HOMER1: variants seen among roughly 807,000 people sequenced by gnomAD.
HOMER1 encodes the protein homer protein homolog 1.
HOMER1 carries 3 observed loss-of-function variants against 48.9 expected under a neutral mutation model. That is an observed-to-expected ratio of 0.06 (90% CI 0.03 to 0.16). The LOEUF (loss-of-function observed/expected upper bound fraction) is 0.16. Ranked by LOEUF, HOMER1 falls within the 10% of genes least tolerant of loss-of-function variation. The pLI, the probability that HOMER1 is intolerant of heterozygous loss-of-function variation, is 1.00. For missense variants in HOMER1, 247 were observed against 411.4 expected, an observed-to-expected ratio of 0.60 and a Z score of 3.46; for synonymous variants, 134 against 146.4, an observed-to-expected ratio of 0.92 and a Z score of 0.61.
intron 2 of HOMER1, among the ~76,000 whole-genome samples, chr5:79,451,626 C>A (rs529367426): frequency 8.1e-6 from 1 of 123,100 alleles, no homozygotes; most frequent in Non-Finnish European, 1.6e-5. Context: ...AGTGCAGTGG[C>A]GTGATCTCGG....
At chr5:79,453,823 C>G (rs575076352) in intron 2 of HOMER1, among the ~76,000 whole-genome samples, 3 of 152,126 alleles carry the variant, frequency 2.0e-5, no homozygotes, top group African/African-American at 7.2e-5. Context: ...GTTTCCAACT[C>G]AATCATGAAG....
chr5:79,504,061 A>G (rs1401534788), intron 1 of HOMER1, among the ~76,000 whole-genome samples: 1 of 152,250 alleles, frequency 6.6e-6, no homozygotes, highest in East Asian at 1.9e-4. Context: ...TAACAATAGT[A>G]AAATACTAAA....
At chr5:79,400,108 T>C (rs1038184609) in intron 6 of HOMER1, among the ~76,000 whole-genome samples, 2 of 151,944 alleles carry the variant, frequency 1.3e-5, no homozygotes, top group Admixed American at 6.6e-5. Context: ...GTAAAAAACA[T>C]ATATCATAAA....
intron 1 of HOMER1, among the ~76,000 whole-genome samples, chr5:79,490,792 A>AAAAAAAC (rs148573552): frequency 2.7e-5 from 4 of 145,974 alleles, no homozygotes; most frequent in South Asian, 2.1e-4. Context: ...AAAAAAAAAA[A>AAAAAAAC]CCATAAAAAA....
intron 5 of HOMER1, among the ~76,000 whole-genome samples, chr5:79,418,110 A>T (rs1047150382): frequency 2.0e-5 from 3 of 152,252 alleles, no homozygotes; most frequent in African/African-American, 7.2e-5. Context: ...TGTTAATAGC[A>T]TGTTACTTGT....
At chr5:79,422,827 CTTTTTTTTT>C (rs556704839) in intron 5 of HOMER1, among the ~76,000 whole-genome samples, 5 of 121,534 alleles carry the variant, frequency 4.1e-5, no homozygotes, top group African/African-American at 1.5e-4. Context: ...AAGATGATCT[CTTTTTTTTT>C]TTTTTTTTTT....
chr5:79,422,728 C>T (rs1327474770), intron 5 of HOMER1, among the ~76,000 whole-genome samples: 2 of 151,760 alleles, frequency 1.3e-5, no homozygotes, highest in African/African-American at 4.8e-5. Context: ...ATACACTATA[C>T]CATCTAATTT....
At chr5:79,473,752 C>T (rs2112329553) in intron 1 of HOMER1, among the ~76,000 whole-genome samples, 1 of 152,234 alleles carries the variant, frequency 6.6e-6, no homozygotes, top group African/African-American at 2.4e-5. Flanking sequence ...TAGAAAGGTA[C>T]TACAAACAAC....
chr5:79,504,109 G>GATC (rs1752681723), intron 1 of HOMER1, among the ~76,000 whole-genome samples: 1 of 151,832 alleles, frequency 6.6e-6, no homozygotes. Flanking sequence ...AAATCTTACA[G>GATC]ATCATCACTT....
intron 5 of HOMER1, among the ~76,000 whole-genome samples, chr5:79,438,354 G>A (rs1024884466): frequency 1.3e-5 from 2 of 152,186 alleles, no homozygotes; most frequent in African/African-American, 4.8e-5. Context: ...AATACACCAA[G>A]TATGGCCAAT....
intron 8 of HOMER1, among the ~76,000 whole-genome samples, chr5:79,391,821 T>C (rs1420574906): frequency 6.7e-6 from 1 of 149,488 alleles, no homozygotes; most frequent in Non-Finnish European, 1.5e-5. Context: ...AAAAAGACAA[T>C]GAGAAAGAAC....
chr5:79,385,124 C>G (rs1272089160), intron 8 of HOMER1, among the ~76,000 whole-genome samples: 1 of 152,050 alleles, frequency 6.6e-6, no homozygotes, highest in Non-Finnish European at 1.5e-5. Flanking sequence ...GGATTAAAGA[C>G]TTAAATGTAA....
intron 2 of HOMER1, among the ~76,000 whole-genome samples, chr5:79,452,753 A>G (rs144782163): frequency 2.9e-3 from 448 of 152,290 alleles, no homozygotes; most frequent in Non-Finnish European, 3.8e-3. Flanking sequence ...GTCCACTGTT[A>G]TATGAGAGCC....
At chr5:79,499,906 C>G (rs1485990181) in intron 1 of HOMER1, among the ~76,000 whole-genome samples, 1 of 152,084 alleles carries the variant, frequency 6.6e-6, no homozygotes, top group African/African-American at 2.4e-5. Flanking sequence ...TATTTTTCAT[C>G]CTTTTTAGGG....
intron 1 of HOMER1, among the ~76,000 whole-genome samples, chr5:79,466,435 C>A (rs1198908545): frequency 6.6e-6 from 1 of 151,860 alleles, no homozygotes; most frequent in Non-Finnish European, 1.5e-5. Flanking sequence ...TAAGTCAAGG[C>A]TGCAGTGAGC....
At chr5:79,412,688 T>C (rs1376444077) in intron 5 of HOMER1, among the ~76,000 whole-genome samples, 1 of 152,208 alleles carries the variant, frequency 6.6e-6, no homozygotes, top group Non-Finnish European at 1.5e-5. Flanking sequence ...CTCCATAGGA[T>C]ATAAACAAGA....
intron 5 of HOMER1, among the ~76,000 whole-genome samples, chr5:79,409,566 C>T (rs779743471): frequency 1.3e-5 from 2 of 151,834 alleles, no homozygotes; most frequent in Non-Finnish European, 2.9e-5. Flanking sequence ...CTTCCATGTG[C>T]CAAAGGACAC....
intron 1 of HOMER1, among the ~76,000 whole-genome samples, chr5:79,506,305 C>G (rs1339558754): frequency 1.3e-5 from 2 of 152,080 alleles, no homozygotes; most frequent in Non-Finnish European, 2.9e-5. Context: ...GATAATTTCC[C>G]TCAAAAATAC....
chr5:79,503,655 A>G (rs1752668768), intron 1 of HOMER1, among the ~76,000 whole-genome samples: 1 of 152,032 alleles, frequency 6.6e-6, no homozygotes, highest in Non-Finnish European at 1.5e-5. Flanking sequence ...AGCCTGGCCA[A>G]CATGGCAAAA....
Sources: allele counts gnomAD v4.1 joint callset (sites outside exome capture counted in the v4.1 genomes callset), GRCh38; gene constraint gnomAD v4.1.1; transcripts MANE v1.5; gene names NCBI Gene and HGNC (gene_info 2026-07-23, HGNC 2026-07-21).